The following SFI1 variants were observed in gnomAD, a reference collection of about 807,000 sequenced individuals.
The protein encoded by SFI1 is protein SFI1 homolog.
A neutral mutation model predicts 207.5 loss-of-function variants in SFI1; 195 were observed. The ratio of observed to expected loss-of-function variants is 0.94; its 90% CI spans 0.84 to 1.06. The LOEUF is 1.06. Ranked by LOEUF, SFI1 falls within the 50% of genes least tolerant of loss-of-function variation. SFI1 has a pLI of 0.00. For synonymous variants in SFI1, 630 were observed against 598.9 expected, an observed-to-expected ratio of 1.05 and a Z score of -0.76; for missense variants, 1,634 against 1,588.0, an observed-to-expected ratio of 1.03 and a Z score of -0.49.
intron 2 of SFI1, among the ~76,000 whole-genome samples, chr22:31,516,133 G>A (rs4820978): frequency 0.7 from 105,677 of 151,822 alleles, 37,143 homozygotes; most frequent in Middle Eastern, 0.75. Context: ...GAGGTTTTCT[G>A]TTTTTGAATA....
chr22:31,539,729 T>G (rs1278788541), intron 4 of SFI1, among the ~76,000 whole-genome samples: 3 of 152,086 alleles, frequency 2.0e-5, no homozygotes, highest in Admixed American at 2.0e-4. Context: ...AGAAGCCTTT[T>G]TTTTTTGAGA....
chr22:31,599,316 A>G (rs2067721460), intron 15 of SFI1, among the ~76,000 whole-genome samples: 1 of 117,960 alleles, frequency 8.5e-6, no homozygotes. Flanking sequence ...TTCCAGCACC[A>G]TTTGTTGAAA....
At chr22:31,594,010 G>GGCAGGGGCAGAGGCAGGGGCCGAGGGC (rs1446565868) in intron 15 of SFI1, among the ~76,000 whole-genome samples, 2 of 145,756 alleles carry the variant, frequency 1.4e-5, no homozygotes, top group Non-Finnish European at 3.1e-5. Flanking sequence ...GAGGGACAGG[G>GGCAGGGGCAGAGGCAGGGGCCGAGGGC]AGAGGGAGAG....
chr22:31,550,660 C>A, intron 6 of SFI1: 1 of 282,090 alleles, frequency 3.5e-6, no homozygotes, highest in African/African-American at 2.2e-5. Flanking sequence ...CTGGGGCTGC[C>A]ATCTATCTTG....
chr22:31,503,682 G>A (rs2054178112), intron 1 of SFI1, among the ~76,000 whole-genome samples: 1 of 148,570 alleles, frequency 6.7e-6, no homozygotes, highest in Non-Finnish European at 1.5e-5. Context: ...CCGCCTCCTA[G>A]GTACAAGTGA....
chr22:31,537,282 C>G (rs1048504175), intron 4 of SFI1, among the ~76,000 whole-genome samples: 2 of 152,242 alleles, frequency 1.3e-5, no homozygotes, highest in Admixed American at 1.3e-4. Flanking sequence ...AAGAAAACTT[C>G]CCTGGAAGTT....
intron 12 of SFI1, among the ~76,000 whole-genome samples, chr22:31,580,947 T>A (rs189859564): frequency 1.4e-4 from 21 of 152,318 alleles, no homozygotes; most frequent in Admixed American, 1.2e-3. Flanking sequence ...TGACTCAAAG[T>A]TCAGGGACTG....
intron 2 of SFI1, among the ~76,000 whole-genome samples, chr22:31,517,867 A>G (rs1714076630): frequency 6.6e-6 from 1 of 152,152 alleles, no homozygotes; most frequent in South Asian, 2.1e-4. Flanking sequence ...TATCTAAGTA[A>G]GACTGCTTAT....
intron 8 of SFI1, among the ~76,000 whole-genome samples, chr22:31,571,303 T>TTTTGG (rs1171868458): frequency 3.3e-5 from 5 of 152,076 alleles, no homozygotes; most frequent in Non-Finnish European, 5.9e-5. Context: ...GATTGTGGTT[T>TTTTGG]TTTGGTTTGG....
intron 2 of SFI1, among the ~76,000 whole-genome samples, chr22:31,518,280 C>T (rs1403526206): frequency 6.6e-6 from 1 of 152,160 alleles, no homozygotes; most frequent in African/African-American, 2.4e-5. Context: ...CAAGTGTAAG[C>T]CACTGTGCCC....
chr22:31,613,368 G>A lies in SFI1; in HGVS notation c.2580G>A (p.Trp860Ter). Residue 860 changes from tryptophan to a stop codon, truncating the protein, a stop_gained, in exon 26 of 33, where the codon TGG becomes TGA. Coordinates refer to ENST00000400288, the MANE Select transcript of SFI1 (RefSeq NM_001007467.3). LOFTEE classifies it high-confidence loss of function. ...CCTCCCTGGAGGTGTGGGCCACGTG[G>A]CTGGCCTTTGTACTGGAAAGGAGGA... ...FSLQAKVWAT[W>*]LAFVLERRRK... is the part of the protein sequence containing the mutation. The A allele has an allele frequency of 6.2e-7, 1 of 1,609,444 alleles. No homozygotes were observed. Among genetic ancestry groups the A allele is most frequent in the Non-Finnish European group, 8.5e-7 (1 of 1,177,866 alleles).
chr22:31,575,267 A>C lies in SFI1; in HGVS notation c.959A>C (p.Gln320Pro), dbSNP rs2063364827. 1 of 1,612,682 alleles carries C rather than the reference A, an allele frequency of 6.2e-7. No individual in the cohort carries two copies. The highest frequency in any genetic ancestry group is 1.3e-5 in the African/African-American group (1 of 74,854). Reference sequence around the variant, plus strand: ...CGATTCCATCATGTCACTGTGCTCCAGATATACTTCTGTGACTGGCAGCAG... The same window carrying C: ...CGATTCCATCATGTCACTGTGCTCCCGATATACTTCTGTGACTGGCAGCAG... ...AERFHHVTVLQIYFCDWQQAW... is the reference protein window; with the variant it reads ...AERFHHVTVLPIYFCDWQQAW... Residue 320 changes from glutamine to proline, a missense_variant, in exon 10 of 33, where the codon CAG (glutamine) becomes CCG (proline). Physicochemically the swap from Gln to Pro is moderately conservative, Grantham distance 76. Transcript: ENST00000400288.
chr22:31,553,347 T>C (rs73160648), intron 6 of SFI1, among the ~76,000 whole-genome samples: 9,565 of 151,838 alleles, frequency 0.063, 421 homozygotes, highest in Admixed American at 0.15. Context: ...TGAAAGTTTT[T>C]TGTTTGTTTG....
chr22:31,508,302 T>G lies in SFI1; in HGVS notation c.18T>G (p.Thr6=). The G allele has an allele frequency of 6.2e-7, 1 of 1,612,302 alleles. No individual in the cohort carries two copies. Among genetic ancestry groups the G allele is most frequent in the South Asian group, 1.1e-5 (1 of 91,024 alleles). Residue 6 remains threonine, a synonymous_variant, in exon 2 of 33, where the codon ACT becomes ACG. Transcript: ENST00000400288. ...TTTGATTCATGAAGAATCTGCTCAC[T>G]GAGAAGTGTATATCAAGCCACAATT... MKNLL[T]EKCISSHNFH...
chr22:31,595,598 A>G (rs145898565), intron 15 of SFI1, among the ~76,000 whole-genome samples: 9 of 152,262 alleles, frequency 5.9e-5, no homozygotes, highest in African/African-American at 1.7e-4. Context: ...TTGTGAGGAG[A>G]TAAGAAACAA....
At chr22:31,544,108 G>A (rs1256317706) in intron 4 of SFI1, among the ~76,000 whole-genome samples, 1 of 152,108 alleles carries the variant, frequency 6.6e-6, no homozygotes, top group Non-Finnish European at 1.5e-5. Context: ...AGAATAACTT[G>A]AATGCATGAG....
intron 6 of SFI1, among the ~76,000 whole-genome samples, chr22:31,556,365 G>A (rs1168581325): frequency 2.0e-5 from 3 of 151,884 alleles, no homozygotes; most frequent in South Asian, 2.1e-4. Flanking sequence ...GGGACTACAG[G>A]CGCACGCCAC....
intron 6 of SFI1, among the ~76,000 whole-genome samples, chr22:31,551,683 G>A (rs560437805): frequency 6.1e-4 from 93 of 152,170 alleles, no homozygotes; most frequent in African/African-American, 2.2e-3. Context: ...CACCTGCCTC[G>A]CTCTCCCAAA....
chr22:31,616,079 GA>G (rs2071383476), intron 29 of SFI1: 1 of 152,228 alleles, frequency 6.6e-6, no homozygotes, highest in Non-Finnish European at 1.5e-5. Context: ...GGGAAGGAGA[GA>G]GGGGAGGAGG....
Sources: gnomAD v4.1 joint callset for allele counts (sites outside exome capture counted in the v4.1 genomes callset) on GRCh38, gnomAD v4.1.1 for gene constraint, MANE v1.5 for transcripts, NCBI Gene and HGNC (gene_info 2026-07-23, HGNC 2026-07-21) for gene names.